KITLG: variants seen among roughly 807,000 people sequenced by gnomAD.
The protein encoded by KITLG is KIT ligand, also known as c-Kit ligand.
KITLG carries 13 observed loss-of-function variants against 34.1 expected under a neutral mutation model. That is an observed-to-expected ratio of 0.38 (90% CI 0.25 to 0.61). KITLG has a LOEUF of 0.61. KITLG is among the 20% of genes least tolerant of loss of function. The pLI is 0.60. For missense variants in KITLG, 292 were observed against 318.9 expected (o/e 0.92, Z 0.64); for synonymous variants, 110 against 104.0 (o/e 1.06, Z -0.35).
chr12:88,507,043 T>C lies in KITLG; in HGVS notation c.699A>G (p.Gly233=), dbSNP rs779013839. Residue 233 remains glycine, a synonymous_variant, in exon 7 of 10, where the codon GGA becomes GGG. Coordinates refer to ENST00000644744, the MANE Select transcript of KITLG (RefSeq NM_000899.5). ...TACCACTTACCTTCCAGTATAAGGC[T>C]CCAAAAGCAAAGCCAATTATAAGAG... ...LFSLIIGFAF[G]ALYWKKRQPS... 84 of 1,597,940 alleles carry C rather than the reference T, an allele frequency of 5.3e-5. No homozygotes were observed. The highest frequency in any genetic ancestry group is 6.9e-5 in the Non-Finnish European group (81 of 1,165,492).
intron 2 of KITLG, among the ~76,000 whole-genome samples, chr12:88,544,377 T>G (rs1180354754): frequency 6.6e-6 from 1 of 152,138 alleles, no homozygotes; most frequent in Non-Finnish European, 1.5e-5. Context: ...ATGTTAAGTC[T>G]AGACTAGAAT....
At chr12:88,573,807 G>A (rs1202604190) in intron 1 of KITLG, among the ~76,000 whole-genome samples, 1 of 152,168 alleles carries the variant, frequency 6.6e-6, no homozygotes, top group Non-Finnish European at 1.5e-5. Flanking sequence ...AGTGAGCACC[G>A]ATGAGTTTGC....
chr12:88,517,297 T>A (rs562481530), intron 4 of KITLG, among the ~76,000 whole-genome samples: 6 of 152,096 alleles, frequency 3.9e-5, no homozygotes, highest in Non-Finnish European at 7.4e-5. Flanking sequence ...TAATATAAAA[T>A]TCCCCAAAGC....
chr12:88,559,532 T>C (rs924405147), intron 1 of KITLG, among the ~76,000 whole-genome samples: 1 of 152,178 alleles, frequency 6.6e-6, no homozygotes, highest in Non-Finnish European at 1.5e-5. Context: ...CACTTCAATA[T>C]ACTCTTTGAA....
At chr12:88,521,653 C>T (rs1265671012) in intron 3 of KITLG, among the ~76,000 whole-genome samples, 5 of 152,080 alleles carry the variant, frequency 3.3e-5, no homozygotes, top group Non-Finnish European at 1.5e-5. Flanking sequence ...TACAGGATGT[C>T]AAAGGTGACA....
In KITLG at chr12:88,515,573, C is replaced by A; in HGVS notation, c.565G>T (p.Ala189Ser). Residue 189 changes from alanine to serine, a missense_variant, in exon 6 of 10, where the codon GCA becomes TCA. Ala to Ser is a moderately conservative substitution (Grantham distance 99, BLOSUM62 1). Around this residue, in one of 2 missense-constraint regions of KITLG, gnomAD observed 140 missense variants for 111.0 expected, o/e 1.26. Transcript: ENST00000644744. ...CTGTCATTCCTAAGGGAGCTGGCTGCAACAGGGGGTAACATAAATGGTTTT... is the reference window on the plus strand; with the variant it reads ...CTGTCATTCCTAAGGGAGCTGGCTGAAACAGGGGGTAACATAAATGGTTTT... Reference protein sequence around the residue: ...VTKPFMLPPVAASSLRNDSSS... With the variant: ...VTKPFMLPPVSASSLRNDSSS... 1.2e-6 allele frequency: 2 copies of A among 1,611,060 alleles called. No homozygotes were observed. The highest frequency in any genetic ancestry group is 1.7e-6 in the Non-Finnish European group (2 of 1,177,730).
intron 6 of KITLG, among the ~76,000 whole-genome samples, chr12:88,513,487 C>T (rs1233233933): frequency 6.6e-6 from 1 of 151,652 alleles, no homozygotes; most frequent in Non-Finnish European, 1.5e-5. Flanking sequence ...CAGAGATACA[C>T]TAAATAAAAT....
At chr12:88,512,770 T>G (rs1251092073) in intron 6 of KITLG, among the ~76,000 whole-genome samples, 3 of 151,838 alleles carry the variant, frequency 2.0e-5, no homozygotes, top group African/African-American at 7.2e-5. Context: ...AAAAATCCTG[T>G]GTACCCAGAC....
At chr12:88,524,171 T>C (rs1396870426) in intron 3 of KITLG, among the ~76,000 whole-genome samples, 2 of 152,218 alleles carry the variant, frequency 1.3e-5, no homozygotes, top group East Asian at 3.8e-4. Context: ...TGCTGGCCAA[T>C]ATGGGAATCC....
rs573323641 is a variant in KITLG, at chr12:88,578,212, C to T, written c.15+2052G>A. Among the ~76,000 whole-genome samples the T allele has an allele frequency of 3.9e-5, 6 of 152,244 alleles. No homozygotes were observed. In the South Asian group the frequency reaches 1.2e-3, roughly 32 times the overall value. Reference sequence around the variant, plus strand: ...TTATTTTATTGATTTTGGGCTATTTCCAGTGTCCCCTTTTTCAGTGACTGT... The same window carrying T: ...TTATTTTATTGATTTTGGGCTATTTTCAGTGTCCCCTTTTTCAGTGACTGT... On this transcript the variant is annotated intron_variant, in intron 1 of 9. Transcript: ENST00000644744.
At chr12:88,529,454 CCTG>C (rs1869999635) in intron 3 of KITLG, among the ~76,000 whole-genome samples, 1 of 152,118 alleles carries the variant, frequency 6.6e-6, no homozygotes, top group African/African-American at 2.4e-5. Context: ...TTGATCACAC[CCTG>C]CTATTTGTGA....
At chr12:88,566,719 G>A (rs534233875) in intron 1 of KITLG, among the ~76,000 whole-genome samples, 1 of 152,312 alleles carries the variant, frequency 6.6e-6, no homozygotes, top group East Asian at 1.9e-4. Context: ...CTTGTATAGT[G>A]TGCTGAGGGT....
At chr12:88,515,692 G>A in intron 5 of KITLG, 75 bp from the exon 6 acceptor site, 1 of 1,068,132 alleles carries the variant, frequency 9.4e-7, no homozygotes, top group East Asian at 2.4e-5. Flanking sequence ...AAGGTGAAGT[G>A]CAATACCAGA....
chr12:88,572,868 T>G (rs1240068973), intron 1 of KITLG, among the ~76,000 whole-genome samples: 2 of 152,048 alleles, frequency 1.3e-5, no homozygotes, highest in African/African-American at 4.8e-5. Context: ...AACAGCAGAA[T>G]GACAAATGTG....
intron 3 of KITLG, among the ~76,000 whole-genome samples, chr12:88,520,222 T>A (rs971505891): frequency 6.6e-6 from 1 of 152,204 alleles, no homozygotes; most frequent in Non-Finnish European, 1.5e-5. Flanking sequence ...AGAGTCTTTG[T>A]TTTGTTAAAT....
intron 1 of KITLG, 66 bp downstream of exon 1, chr12:88,580,198 T>A: frequency 6.5e-7 from 1 of 1,543,100 alleles, no homozygotes. Context: ...GAGCGCCGGC[T>A]TCCCCGGGGC....
chr12:88,513,446 T>C (rs1365578090), intron 6 of KITLG, among the ~76,000 whole-genome samples: 1 of 151,712 alleles, frequency 6.6e-6, no homozygotes, highest in African/African-American at 2.4e-5. Flanking sequence ...ATTTATTACA[T>C]AGAAATGGAT....
chr12:88,506,616 A>C (rs1566018571), intron 7 of KITLG, among the ~76,000 whole-genome samples: 1 of 152,224 alleles, frequency 6.6e-6, no homozygotes, highest in Non-Finnish European at 1.5e-5. Context: ...ACTTAATCAA[A>C]TTCAAAAGAC....
rs371593147 is a variant in KITLG, at chr12:88,518,814, A to G, written c.246T>C (p.Thr82=). 4 of 1,613,666 alleles carry G rather than the reference A, an allele frequency of 2.5e-6. No individual in the cohort carries two copies. The African/African-American group carries it at 5.3e-5, about 22-fold the overall frequency. Residue 82 remains threonine (T), a synonymous_variant, in exon 4 of 10, where the codon ACT becomes ACC. Transcript: ENST00000644744. ...EMVVQLSDSL[T]DLLDKFSNIS... Reference sequence around the variant, plus strand: ...TATTTGAAAACTTGTCCAGAAGATCAGTCAAGCTGTCTGACAATTGTACTA... The same window carrying G: ...TATTTGAAAACTTGTCCAGAAGATCGGTCAAGCTGTCTGACAATTGTACTA...
Sources: gnomAD v4.1 joint callset for allele counts (sites outside exome capture counted in the v4.1 genomes callset) on GRCh38, gnomAD v4.1.1 for gene constraint, gnomAD v4.1.1 regional missense constraint, MANE v1.5 for transcripts, NCBI Gene and HGNC (gene_info 2026-07-23, HGNC 2026-07-21) for gene names.